The following SPARCL1 variants were observed in gnomAD, a reference collection of about 807,000 sequenced individuals.
SPARCL1 encodes the protein SPARC like 1.
SPARCL1 carries 52 observed loss-of-function variants against 67.1 expected under a neutral mutation model. The observed-to-expected ratio is 0.78, with a 90% CI of 0.62 to 0.98. The LOEUF is 0.98. Ranked by LOEUF, SPARCL1 falls within the 50% of genes least tolerant of loss-of-function variation. The probability of loss-of-function intolerance (pLI) is 0.00; values close to 1 mark genes in which losing one functional copy is unlikely to be tolerated. For missense variants in SPARCL1, 717 were observed against 782.4 expected (o/e 0.92, Z 1.00); for synonymous variants, 226 against 267.8 (o/e 0.84, Z 1.52).
intron 1 of SPARCL1, among the ~76,000 whole-genome samples, chr4:87,524,344 C>T (rs909920025): frequency 6.6e-6 from 1 of 152,162 alleles, no homozygotes; most frequent in South Asian, 2.1e-4. Context: ...AAAGGCCATT[C>T]ATGTCAGAGT....
At chr4:87,525,035 T>C (rs1725983675) in intron 1 of SPARCL1, among the ~76,000 whole-genome samples, 2 of 151,866 alleles carry the variant, frequency 1.3e-5, no homozygotes, top group South Asian at 4.2e-4. Flanking sequence ...TGGTAGTACA[T>C]GCCTGTAGTC....
chr4:87,473,637 A>G lies in SPARCL1; in HGVS notation c.*138T>C. ...ATACCTGGTGCATAGGTTGTTGTCA[A>G]GCAATTACTCTCATTGTCTTGTCAT... On this transcript the variant is annotated 3_prime_UTR_variant, in exon 11 of 11. Coordinates refer to ENST00000282470, the MANE Select transcript of SPARCL1 (RefSeq NM_004684.6). 3.4e-6 allele frequency: 2 copies of G among 587,462 alleles called. No individual in the cohort carries two copies. The highest frequency in any genetic ancestry group is 6.0e-6 in the Non-Finnish European group (2 of 333,788). 36.4% of individuals were successfully genotyped at this position (587,462 alleles called of 1,614,324 possible).
intron 2 of SPARCL1, among the ~76,000 whole-genome samples, chr4:87,498,879 AT>A (rs5860078): frequency 1.1e-4 from 16 of 148,002 alleles, no homozygotes; most frequent in South Asian, 2.1e-4. Flanking sequence ...CACCCTAAGT[AT>A]TTTTTTTTTT....
Position 87,494,214 on chromosome 4 carries a change from T to G in SPARCL1, c.586A>C (p.Asn196His). ...TCTTCCTCTTCTCCATTGGAAATAT[T>G]TGGATCCTGCTCTTGGTTTCCTTGA... ...RDQGNQEQDPNISNGEEEEEK... is the reference protein window; with the variant it reads ...RDQGNQEQDPHISNGEEEEEK... The change falls in exon 4 of 11, where the codon AAT becomes CAT. Residue 196 changes from asparagine (N) to histidine (H), a missense_variant. Asn to His is a moderately conservative substitution (Grantham distance 68). Transcript: ENST00000282470. 1 of 1,614,154 alleles carries G rather than the reference T, an allele frequency of 6.2e-7. No individual in the cohort carries two copies. The highest frequency in any genetic ancestry group is 1.3e-5 in the African/African-American group (1 of 75,038).
intron 1 of SPARCL1, among the ~76,000 whole-genome samples, chr4:87,509,910 G>C (rs991986637): frequency 6.6e-6 from 1 of 152,190 alleles, no homozygotes; most frequent in Non-Finnish European, 1.5e-5. Flanking sequence ...AGAGACAATT[G>C]TAACATCAAG....
Position 87,510,010 on chromosome 4 carries a change from G to A in SPARCL1, c.-11-10425C>T, listed in dbSNP as rs114332080. ...CAACCTGTACTGGTTTGTGAGAGCT[G>A]TTTGTTACATTTCAAGACTTTTTTG... On this transcript the variant is annotated intron_variant, in intron 1 of 10. Coordinates refer to ENST00000282470, the MANE Select transcript of SPARCL1 (RefSeq NM_004684.6). Among the ~76,000 whole-genome samples the A allele has an allele frequency of 4.4e-3, 666 of 152,240 alleles. 9 individuals carry two copies. Among genetic ancestry groups the A allele is most frequent in the African/African-American group, 0.016 (645 of 41,556 alleles).
At chr4:87,480,610 T>A in intron 8 of SPARCL1, 90 bp from the exon 9 acceptor site, 1 of 1,260,554 alleles carries the variant, frequency 7.9e-7, no homozygotes, top group Non-Finnish European at 1.1e-6. Flanking sequence ...AGAGTGACAG[T>A]AACACGATAG....
At chr4:87,522,617 G>GCTCCTC (rs1157483042) in intron 1 of SPARCL1, among the ~76,000 whole-genome samples, 35 of 145,808 alleles carry the variant, frequency 2.4e-4, no homozygotes, top group African/African-American at 8.8e-4. Flanking sequence ...TCCAGCACCC[G>GCTCCTC]CTCCTCCCAG....
chr4:87,523,877 G>T (rs144846245), intron 1 of SPARCL1, among the ~76,000 whole-genome samples: 43 of 152,272 alleles, frequency 2.8e-4, no homozygotes, highest in African/African-American at 1.0e-3. Context: ...AGATGGCATT[G>T]TATTTGGGGG....
intron 1 of SPARCL1, chr4:87,528,761 A>T (rs1261187026): frequency 1.3e-5 from 2 of 152,208 alleles, no homozygotes; most frequent in Non-Finnish European, 2.9e-5. Context: ...TAAGATCTGA[A>T]TGCTACTGAG....
intron 1 of SPARCL1, among the ~76,000 whole-genome samples, chr4:87,504,668 CCT>C (rs1560823819): frequency 1.3e-5 from 2 of 152,036 alleles, no homozygotes; most frequent in Non-Finnish European, 2.9e-5. Flanking sequence ...CTCCATTTTA[CCT>C]CTTACACAAA....
At chr4:87,526,385 G>T (rs569865308) in intron 1 of SPARCL1, among the ~76,000 whole-genome samples, 1 of 152,102 alleles carries the variant, frequency 6.6e-6, no homozygotes, top group African/African-American at 2.4e-5. Context: ...TGTAACAGAG[G>T]CCTCACTGAT....
At chr4:87,517,215 T>C (rs1462031946) in intron 1 of SPARCL1, among the ~76,000 whole-genome samples, 3 of 152,158 alleles carry the variant, frequency 2.0e-5, no homozygotes, top group South Asian at 2.1e-4. Flanking sequence ...ATGGCCAGGA[T>C]AGACGTGCCA....
intron 5 of SPARCL1, among the ~76,000 whole-genome samples, chr4:87,491,237 T>A (rs1724313296): frequency 6.7e-6 from 1 of 149,002 alleles, no homozygotes; most frequent in African/African-American, 2.5e-5. Context: ...GAAATAAGGC[T>A]GAAATTCAAA....
chr4:87,481,830 T>C (rs1035762242), intron 8 of SPARCL1, among the ~76,000 whole-genome samples: 2 of 152,222 alleles, frequency 1.3e-5, no homozygotes, highest in Admixed American at 1.3e-4. Flanking sequence ...CACACATATA[T>C]ACTTATTTGT....
At position 87,493,790 on chromosome 4, in the gene SPARCL1, A is replaced by G. The variant is rs1182748901; in HGVS notation, c.1010T>C (p.Val337Ala). Reference sequence around the variant, plus strand: ...GCCATCATCATCGCCATCATCATCAACTCCATGATTTCTGGGCGTGGTATT... The same window carrying G: ...GCCATCATCATCGCCATCATCATCAGCTCCATGATTTCTGGGCGTGGTATT... ...DGNTTPRNHG[V>A]DDDGDDDGDD... Residue 337 changes from valine to alanine, a missense_variant, in exon 4 of 11, where the codon GTT (valine) becomes GCT (alanine). By Grantham distance (64) the Val-to-Ala change is moderately conservative. Coordinates refer to ENST00000282470, the MANE Select transcript of SPARCL1 (RefSeq NM_004684.6). The G allele has an allele frequency of 1.2e-6, 2 of 1,613,438 alleles. No individual in the cohort carries two copies. The highest frequency in any genetic ancestry group is 1.6e-4 in the Middle Eastern group (1 of 6,062).
chr4:87,494,871 T>A (rs1724551871), intron 3 of SPARCL1, 110 bp downstream of exon 3: 1 of 1,049,450 alleles, frequency 9.5e-7, no homozygotes, highest in Non-Finnish European at 1.4e-6. Flanking sequence ...CATCATGTTT[T>A]AAAAAAATTA....
intron 1 of SPARCL1, among the ~76,000 whole-genome samples, chr4:87,511,348 A>G (rs1370384719): frequency 6.6e-6 from 1 of 152,216 alleles, no homozygotes; most frequent in African/African-American, 2.4e-5. Context: ...TTAATTACCA[A>G]GGTGAAGGAT....
intron 7 of SPARCL1, among the ~76,000 whole-genome samples, chr4:87,485,792 G>T (rs1056177187): frequency 1.3e-5 from 2 of 152,020 alleles, no homozygotes; most frequent in African/African-American, 2.4e-5. Context: ...ATTTAGTCTT[G>T]GGAGGGTATA....
Sources: allele counts gnomAD v4.1 joint callset (sites outside exome capture counted in the v4.1 genomes callset), GRCh38; gene constraint gnomAD v4.1.1; transcripts MANE v1.5; gene names NCBI Gene and HGNC (gene_info 2026-07-23, HGNC 2026-07-21).